UGP2: variants seen among roughly 807,000 people sequenced by gnomAD.
The protein encoded by UGP2 is UTP--glucose-1-phosphate uridylyltransferase.
A neutral mutation model predicts 49.0 loss-of-function variants in UGP2; 40 were observed. That is an observed-to-expected ratio of 0.82 (90% CI 0.63 to 1.06). The LOEUF is 1.06. Among genes scored for constraint, UGP2 ranks in the 50% least tolerant of loss-of-function variants. The probability of loss-of-function intolerance (pLI) is 0.00; values close to 1 mark genes in which losing one functional copy is unlikely to be tolerated. For missense variants in UGP2, 460 were observed against 603.5 expected, an observed-to-expected ratio of 0.76 and a Z score of 2.49; for synonymous variants, 225 against 213.0, an observed-to-expected ratio of 1.06 and a Z score of -0.49.
At chr2:63,869,511 G>C (rs1014188858) in intron 3 of UGP2, among the ~76,000 whole-genome samples, 1 of 152,086 alleles carries the variant, frequency 6.6e-6, no homozygotes, top group African/African-American at 2.4e-5. Context: ...ATTTTGAATT[G>C]CTATGATGCT....
intron 3 of UGP2, among the ~76,000 whole-genome samples, chr2:63,880,123 GTCTT>G (rs1671189485): frequency 6.6e-6 from 1 of 151,872 alleles, no homozygotes; most frequent in Non-Finnish European, 1.5e-5. Flanking sequence ...GATCACAGTG[GTCTT>G]TCTTTCCTTC....
At chr2:63,869,109 T>A (rs780419055) in intron 3 of UGP2, among the ~76,000 whole-genome samples, 1 of 152,216 alleles carries the variant, frequency 6.6e-6, no homozygotes, top group Non-Finnish European at 1.5e-5. Context: ...GTTTCTAGTT[T>A]ACAATCTAGT....
At chr2:63,861,271 T>C (rs1361988286) in intron 3 of UGP2, among the ~76,000 whole-genome samples, 1 of 151,412 alleles carries the variant, frequency 6.6e-6, no homozygotes, top group Non-Finnish European at 1.5e-5. Context: ...GTTATGAGAG[T>C]GTCTTGGTCT....
chr2:63,842,517 T>C, intron 1 of UGP2: 1 of 1,534,968 alleles, frequency 6.5e-7, no homozygotes. Context: ...ATCCTTGTTC[T>C]CTTTTCCTGG....
intron 3 of UGP2, among the ~76,000 whole-genome samples, chr2:63,878,211 C>T (rs907805413): frequency 6.6e-6 from 1 of 152,016 alleles, no homozygotes; most frequent in Non-Finnish European, 1.5e-5. Context: ...GTATGAACAT[C>T]TCATGTAAGC....
chr2:63,884,115 C>T, intron 5 of UGP2, 22 bp downstream of exon 5: 1 of 1,610,426 alleles, frequency 6.2e-7, no homozygotes, highest in Non-Finnish European at 8.5e-7. Flanking sequence ...AAAAAATTAA[C>T]TCTGGGTATG....
In UGP2 at chr2:63,857,902, A is replaced by G; in HGVS notation, c.221A>G (p.Asp74Gly). ...TTGCAAGAAAAGGGGCCTTCTGTGG[A>G]TTGGGGAAAAATCCAGAGACCCCCT... ...RFLQEKGPSV[D>G]WGKIQRPPED... is the part of the protein sequence containing the mutation. The change falls in exon 3 of 10, where the codon GAT becomes GGT. Residue 74 changes from aspartate to glycine, a missense_variant. Transcript: ENST00000337130. 6.2e-7 allele frequency: 1 copy of G among 1,614,076 alleles called. No individual in the cohort carries two copies. The highest frequency in any genetic ancestry group is 8.5e-7 in the Non-Finnish European group (1 of 1,179,982).
At chr2:63,862,977 G>A (rs1190591811) in intron 3 of UGP2, 2 of 407,678 alleles carry the variant, frequency 4.9e-6, no homozygotes, top group African/African-American at 2.1e-5. Context: ...CCAGCTCCCT[G>A]AGTCATCTAC....
intron 9 of UGP2, among the ~76,000 whole-genome samples, chr2:63,890,616 T>C (rs1299986964): frequency 6.6e-6 from 1 of 152,200 alleles, no homozygotes; most frequent in Non-Finnish European, 1.5e-5. Context: ...CTAGATTTCA[T>C]ATACTCCTCC....
Position 63,855,131 on chromosome 2 carries a change from TG to T in UGP2, c.20-1174del, listed in dbSNP as rs1355475864. 3.3e-5 allele frequency among the ~76,000 whole-genome samples: 5 copies of T among 152,380 alleles called. No homozygotes were observed. The East Asian group carries it at 9.6e-4, about 29-fold the overall frequency. On this transcript the variant is annotated intron_variant, in intron 1 of 9. Coordinates refer to ENST00000337130, the MANE Select transcript of UGP2 (RefSeq NM_006759.4). ...AGCTACTTTAGTTACTTCTAAACTT[TG>T]TAGTTACATTTAGTTTTATCTTATA...
intron 1 of UGP2, among the ~76,000 whole-genome samples, chr2:63,855,131 T>C (rs1394532659): frequency 6.6e-6 from 1 of 152,262 alleles, no homozygotes; most frequent in African/African-American, 2.4e-5. Context: ...TTCTAAACTT[T>C]GTAGTTACAT....
intron 7 of UGP2, among the ~76,000 whole-genome samples, 168 bp from the exon 8 acceptor site, chr2:63,887,234 C>T (rs1467790234): frequency 6.6e-6 from 1 of 150,572 alleles, no homozygotes; most frequent in African/African-American, 2.4e-5. Flanking sequence ...CACTGCACTC[C>T]AGCCTGGGTG....
intron 3 of UGP2, among the ~76,000 whole-genome samples, chr2:63,879,767 A>G (rs1050682941): frequency 6.6e-6 from 1 of 152,196 alleles, no homozygotes; most frequent in African/African-American, 2.4e-5. Flanking sequence ...TATGCGATGT[A>G]CCACAATTAA....
rs528966512 is a variant in UGP2 at position 63,884,993 on chromosome 2, C to CTTTTTTTT, written c.576-574_576-567dup. ...TTTTAAGATCTATTTCCCATGGTTA[C>CTTTTTTTT]TTTTTTTTTTTTTTTTTTTTTTTTT... is the stretch of plus-strand genomic sequence containing the variant. On this transcript the variant is annotated intron_variant, in intron 5 of 9. Transcript: ENST00000337130. 2.4e-3 allele frequency among the ~76,000 whole-genome samples: 55 copies of CTTTTTTTT among 23,148 alleles called. 4 individuals carry two copies. Among genetic ancestry groups the CTTTTTTTT allele is most frequent in the Admixed American group, 4.9e-3 (7 of 1,424 alleles). 15.2% of individuals were successfully genotyped at this position (23,148 alleles called of 152,430 possible). A position where few individuals can be genotyped will look rare whatever the true frequency, so the allele number is the denominator to read the frequency against.
At chr2:63,861,764 T>C (rs1669869543) in intron 3 of UGP2, among the ~76,000 whole-genome samples, 1 of 151,796 alleles carries the variant, frequency 6.6e-6, no homozygotes, top group Non-Finnish European at 1.5e-5. Context: ...GGTATATTTG[T>C]GAACAGGGAG....
At position 63,890,141 on chromosome 2, in the gene UGP2, A is replaced by C; in HGVS notation, c.1375A>C (p.Thr459Pro). The change falls in exon 9 of 10, where the codon ACA becomes CCA. Residue 459 changes from threonine (T) to proline (P), a missense_variant. Thr to Pro is a conservative substitution (Grantham distance 38, BLOSUM62 -1). Transcript: ENST00000337130. ...IPDMLELDHL[T>P]VSGDVTFGKN... ...AGATATGCTTGAATTGGATCACCTC[A>C]CAGTTTCAGGAGATGTGACATTTGG... is the stretch of plus-strand genomic sequence containing the variant. 3.1e-6 allele frequency: 5 copies of C among 1,612,564 alleles called. No homozygotes were observed. Among genetic ancestry groups the C allele is most frequent in the Non-Finnish European group, 4.2e-6 (5 of 1,179,484 alleles).
At chr2:63,857,642 G>GCTAAGAGCCACTGC in intron 2 of UGP2, 187 bp from the exon 3 acceptor site, 1 of 645,658 alleles carries the variant, frequency 1.5e-6, no homozygotes. Context: ...TGGGATTACA[G>GCTAAGAGCCACTGC]GCATGCACCA....
chr2:63,862,429 A>T (rs1669912346), intron 3 of UGP2, among the ~76,000 whole-genome samples: 2 of 152,148 alleles, frequency 1.3e-5, no homozygotes, highest in South Asian at 4.1e-4. Flanking sequence ...TTCCCTCGGG[A>T]TTACCTTCCT....
intron 9 of UGP2, 119 bp downstream of exon 9, chr2:63,890,304 C>T (rs1236232913): frequency 4.8e-6 from 2 of 413,346 alleles, no homozygotes; most frequent in Non-Finnish European, 8.8e-6. Context: ...ACCTTAATTA[C>T]TAGTGTAATT....
Sources: gnomAD v4.1 joint callset for allele counts (sites outside exome capture counted in the v4.1 genomes callset) on GRCh38, gnomAD v4.1.1 for gene constraint, MANE v1.5 for transcripts, NCBI Gene and HGNC (gene_info 2026-07-23, HGNC 2026-07-21) for gene names.